Variants in PAN3 observed in about 807,000 individuals in gnomAD.
PAN3 encodes PAN2-PAN3 deadenylation complex subunit PAN3.
PAN3 carries 19 observed loss-of-function variants against 96.2 expected under a neutral mutation model. The ratio of observed to expected loss-of-function variants is 0.20; its 90% confidence interval spans 0.14 to 0.29. PAN3 has a LOEUF of 0.29. Among genes scored for constraint, PAN3 ranks in the 10% least tolerant of loss-of-function variants. PAN3 has a pLI of 1.00. For synonymous variants in PAN3, 433 were observed against 406.6 expected (o/e 1.06, Z -0.78); for missense variants, 882 against 1,108.1 (o/e 0.80, Z 2.90).
In PAN3 at chr13:28,281,318, G is replaced by GT; in HGVS notation, c.2325dup (p.Gln776SerfsTer7). ...CTCTTTTTAAAATGTTTTATAGGAG[G>GT]TTCAAAATGGAAGACTGTTTAGGCT... On this transcript the variant is annotated frameshift_variant, in exon 17 of 19. Transcript: ENST00000380958. LOFTEE classifies it high-confidence loss of function. 1 of 1,610,888 alleles carries GT rather than the reference G, an allele frequency of 6.2e-7. No homozygotes were observed. The highest frequency in any genetic ancestry group is 8.5e-7 in the Non-Finnish European group (1 of 1,177,886).
At position 28,138,898 on chromosome 13, in the gene PAN3, C is replaced by T. The variant is rs1869172152; in HGVS notation, c.241C>T (p.Leu81Phe). The T allele has an allele frequency of 2.1e-6, 3 of 1,396,892 alleles. No homozygotes were observed. The highest frequency in any genetic ancestry group is 5.7e-5 in the East Asian group (2 of 35,174). 86.5% of individuals were successfully genotyped at this position (1,396,892 alleles called of 1,614,324 possible). ...CGCCGGGGCTGCCCCGGGCCTCGGC[C>T]TCCATAGCAACAGCGTCCCCCTGGC... is the stretch of plus-strand genomic sequence containing the variant. Reference protein sequence around the residue: ...PAAGAAPGLGLHSNSVPLALA... With the variant: ...PAAGAAPGLGFHSNSVPLALA... Residue 81 changes from leucine to phenylalanine, a missense_variant, in exon 1 of 19, where the codon CTC becomes TTC. By Grantham distance (22) the Leu-to-Phe change is conservative. Coordinates refer to ENST00000380958, the MANE Select transcript of PAN3 (RefSeq NM_175854.8).
chr13:28,184,032 C>T (rs1876135928), intron 4 of PAN3, among the ~76,000 whole-genome samples: 1 of 152,134 alleles, frequency 6.6e-6, no homozygotes, highest in African/African-American at 2.4e-5. Context: ...TGTAGCTGCT[C>T]TGAGGATGTC....
At chr13:28,141,454 C>CT (rs1171413517) in intron 1 of PAN3, among the ~76,000 whole-genome samples, 13 of 123,908 alleles carry the variant, frequency 1.0e-4, no homozygotes, top group African/African-American at 1.8e-4. Flanking sequence ...TTTTCTTTTT[C>CT]TTTTTTTCTT....
rs1566125870 is a variant in PAN3 at position 28,138,987 on chromosome 13, GC to G, written c.336del (p.Lys115ArgfsTer38). 4 of 1,267,792 alleles carry G rather than the reference GC, an allele frequency of 3.2e-6. No individual in the cohort carries two copies. Among genetic ancestry groups the G allele is most frequent in the Non-Finnish European group, 4.0e-6 (4 of 1,007,192 alleles). 78.5% of individuals were successfully genotyped at this position (1,267,792 alleles called of 1,614,324 possible). A position where few individuals can be genotyped will look rare whatever the true frequency, so the allele number is the denominator to read the frequency against. ...CCGTCGCGGGCGGGGGAGCTGGGCCGCCCCCCGGGCCCAAGAAGCCGGACCT... is the reference window on the plus strand; with the variant it reads ...CCGTCGCGGGCGGGGGAGCTGGGCCGCCCCCGGGCCCAAGAAGCCGGACCT... ...GAVAGGGAGP[P>X]PGPKKPDLGD... On this transcript the variant is annotated frameshift_variant, in exon 1 of 19. Coordinates refer to ENST00000380958, the MANE Select transcript of PAN3 (RefSeq NM_175854.8). LOFTEE classifies it high-confidence loss of function.
chr13:28,173,076 C>T (rs1340170853), intron 1 of PAN3, among the ~76,000 whole-genome samples: 1 of 152,090 alleles, frequency 6.6e-6, no homozygotes, highest in South Asian at 2.1e-4. Flanking sequence ...ATTGATTCAG[C>T]TATACATTGT....
intron 1 of PAN3, among the ~76,000 whole-genome samples, chr13:28,159,437 A>G (rs560709762): frequency 6.3e-4 from 96 of 152,204 alleles, no homozygotes; most frequent in African/African-American, 2.3e-3. Flanking sequence ...AACAATAGAC[A>G]CCGGAGCCTT....
At chr13:28,234,048 T>A (rs116317288) in intron 6 of PAN3, among the ~76,000 whole-genome samples, 1,561 of 152,304 alleles carry the variant, frequency 0.01, 25 homozygotes, top group African/African-American at 0.035. Context: ...TGTCTTTTTT[T>A]AGAAAGCCTT....
In PAN3 at chr13:28,139,009, G is replaced by C; in HGVS notation, c.352G>C (p.Asp118His). 1 of 1,276,088 alleles carries C rather than the reference G, an allele frequency of 7.8e-7. No homozygotes were observed. The highest frequency in any genetic ancestry group is 2.5e-5 in the South Asian group (1 of 39,220). 79.0% of individuals were successfully genotyped at this position (1,276,088 alleles called of 1,614,324 possible). A position where few individuals can be genotyped will look rare whatever the true frequency, so the allele number is the denominator to read the frequency against. Reference protein sequence around the residue: ...AGPPPGPKKPDLGDPGTGAAA... With the variant: ...AGPPPGPKKPHLGDPGTGAAA... Reference sequence around the variant, plus strand: ...GCCGCCCCCCGGGCCCAAGAAGCCGGACCTGGGGGACCCGGGGACCGGAGC... The same window carrying C: ...GCCGCCCCCCGGGCCCAAGAAGCCGCACCTGGGGGACCCGGGGACCGGAGC... The change falls in exon 1 of 19, where the codon GAC becomes CAC. Residue 118 changes from aspartate to histidine, a missense_variant. Coordinates refer to ENST00000380958, the MANE Select transcript of PAN3 (RefSeq NM_175854.8).
chr13:28,187,990 G>C (rs1876707029), intron 4 of PAN3, among the ~76,000 whole-genome samples: 1 of 152,136 alleles, frequency 6.6e-6, no homozygotes, highest in African/African-American at 2.4e-5. Context: ...CACCTCACCT[G>C]GCCCAATGAA....
chr13:28,157,730 G>A (rs1159785948), intron 1 of PAN3, among the ~76,000 whole-genome samples: 2 of 152,088 alleles, frequency 1.3e-5, no homozygotes, highest in East Asian at 3.9e-4. Flanking sequence ...AAAAACATTC[G>A]ATGCTCATGG....
intron 4 of PAN3, among the ~76,000 whole-genome samples, chr13:28,187,219 T>TG (rs1430315604): frequency 1.3e-5 from 2 of 151,948 alleles, no homozygotes; most frequent in East Asian, 3.9e-4. Flanking sequence ...CCCAGCTACT[T>TG]GGGAGACTGA....
At chr13:28,283,873 A>G (rs890419050) in intron 17 of PAN3, among the ~76,000 whole-genome samples, 3 of 152,144 alleles carry the variant, frequency 2.0e-5, no homozygotes, top group Admixed American at 6.5e-5. Context: ...CCACTATGCT[A>G]TGTGTCTCCT....
intron 4 of PAN3, among the ~76,000 whole-genome samples, chr13:28,181,565 C>T (rs1875788559): frequency 6.6e-6 from 1 of 150,426 alleles, no homozygotes. Flanking sequence ...GGGTCACAGC[C>T]ATATATCTAG....
At chr13:28,194,424 G>GTATA in intron 4 of PAN3, among the ~76,000 whole-genome samples, 1 of 145,284 alleles carries the variant, frequency 6.9e-6, no homozygotes. Flanking sequence ...ATACGTGTGT[G>GTATA]TGTGTATATA....
chr13:28,146,714 A>C (rs1466208411), intron 1 of PAN3, among the ~76,000 whole-genome samples: 1 of 152,200 alleles, frequency 6.6e-6, no homozygotes, highest in Admixed American at 6.5e-5. Flanking sequence ...GCAGTGGCTC[A>C]CACCTGTAAT....
Position 28,176,512 on chromosome 13 carries a change from G to T in PAN3, c.572G>T (p.Ser191Ile). ...PLMQRMTNSS[S>I]SPSLLNDSAK... is the part of the protein sequence containing the mutation. ...TTTCAGAGAATGACTAATAGTAGCA[G>T]CTCCCCAAGCCTTCTAAATGACAGT... Residue 191 changes from serine to isoleucine, a missense_variant, in exon 3 of 19, where the codon AGC (serine) becomes ATC (isoleucine). Physicochemically the swap from Ser to Ile is moderately radical, Grantham distance 142. Coordinates refer to ENST00000380958, the MANE Select transcript of PAN3 (RefSeq NM_175854.8). 6.2e-7 allele frequency: 1 copy of T among 1,613,814 alleles called. No homozygotes were observed. Among genetic ancestry groups the T allele is most frequent in the Non-Finnish European group, 8.5e-7 (1 of 1,179,810 alleles).
intron 6 of PAN3, among the ~76,000 whole-genome samples, chr13:28,249,543 G>A (rs560314526): frequency 1.1e-4 from 17 of 152,150 alleles, no homozygotes; most frequent in Admixed American, 1.0e-3. Context: ...CCACCTCCTG[G>A]GTTCAAGTGA....
In PAN3 at chr13:28,138,996, G is replaced by A; in HGVS notation, c.339G>A (p.Gly113=). The change falls in exon 1 of 19, where the codon GGG becomes GGA. Residue 113 remains glycine (G), a synonymous_variant. Coordinates refer to ENST00000380958, the MANE Select transcript of PAN3 (RefSeq NM_175854.8). ...GCGGGGGAGCTGGGCCGCCCCCCGGGCCCAAGAAGCCGGACCTGGGGGACC... is the reference window on the plus strand; with the variant it reads ...GCGGGGGAGCTGGGCCGCCCCCCGGACCCAAGAAGCCGGACCTGGGGGACC... The part of the protein sequence containing the change: ...VAGGGAGPPP[G]PKKPDLGDPG... 1 of 1,273,046 alleles carries A rather than the reference G, an allele frequency of 7.9e-7. No individual in the cohort carries two copies. The highest frequency in any genetic ancestry group is 9.9e-7 in the Non-Finnish European group (1 of 1,009,844). The allele number at this position is 1,273,046 out of a possible 1,614,324, so 78.9% of individuals were successfully genotyped here.
chr13:28,148,664 C>A (rs1175096405), intron 1 of PAN3, among the ~76,000 whole-genome samples: 2 of 152,164 alleles, frequency 1.3e-5, no homozygotes, highest in Non-Finnish European at 2.9e-5. Context: ...GACAAATATT[C>A]TTTGCCTATA....
Sources: allele counts gnomAD v4.1 joint callset (sites outside exome capture counted in the v4.1 genomes callset), GRCh38; gene constraint gnomAD v4.1.1; transcripts MANE v1.5; gene names NCBI Gene and HGNC (gene_info 2026-07-23, HGNC 2026-07-21).